Variants in TRAK2 observed in about 807,000 individuals in gnomAD.
TRAK2 encodes the protein trafficking kinesin protein 2.
TRAK2 carries 81 observed loss-of-function variants against 104.6 expected under a neutral mutation model. The observed-to-expected ratio is 0.77, with a 90% CI of 0.65 to 0.93. TRAK2 has a LOEUF of 0.93. Among genes scored for constraint, TRAK2 ranks in the 40% least tolerant of loss-of-function variants. The pLI, the probability that TRAK2 is intolerant of heterozygous loss-of-function variation, is 0.00. For synonymous variants in TRAK2, 406 were observed against 394.4 expected (o/e 1.03, Z -0.35); for missense variants, 1,002 against 1,089.0 (o/e 0.92, Z 1.12).
At chr2:201,407,657 A>G in intron 2 of TRAK2, 60 bp from the exon 3 acceptor site, 2 of 1,450,836 alleles carry the variant, frequency 1.4e-6, no homozygotes, top group South Asian at 2.7e-5. Context: ...TAGGCTACAG[A>G]GAAAATTGAT....
intron 10 of TRAK2, among the ~76,000 whole-genome samples, chr2:201,392,464 T>G (rs1265475945): frequency 6.6e-6 from 1 of 152,090 alleles, no homozygotes; most frequent in East Asian, 1.9e-4. Context: ...AAAATACCAT[T>G]TATAAATGAA....
At chr2:201,404,283 G>C (rs1457697954) in intron 3 of TRAK2, among the ~76,000 whole-genome samples, 3 of 152,136 alleles carry the variant, frequency 2.0e-5, no homozygotes, top group Non-Finnish European at 2.9e-5. Context: ...AGTTTTCGTT[G>C]TTGAAAATAT....
chr2:201,448,856 C>T (rs1951986552), intron 1 of TRAK2, among the ~76,000 whole-genome samples: 2 of 152,140 alleles, frequency 1.3e-5, no homozygotes, highest in African/African-American at 2.4e-5. Context: ...GCACAAACAA[C>T]CACACCCAGC....
At chr2:201,407,843 C>T (rs1313862486) in intron 2 of TRAK2, among the ~76,000 whole-genome samples, 1 of 150,816 alleles carries the variant, frequency 6.6e-6, no homozygotes, top group Admixed American at 6.6e-5. Context: ...ACAGTAATTT[C>T]TAAAAAGTAT....
intron 2 of TRAK2, chr2:201,419,567 GGGAGA>G (rs1038858664): frequency 4.5e-5 from 7 of 154,304 alleles, no homozygotes; most frequent in Admixed American, 2.0e-4. Flanking sequence ...GTGAGGGGTG[GGGAGA>G]TCTCTGTACA....
intron 10 of TRAK2, among the ~76,000 whole-genome samples, chr2:201,392,025 A>G (rs928227351): frequency 6.6e-6 from 1 of 152,188 alleles, no homozygotes; most frequent in African/African-American, 2.4e-5. Context: ...TTTATGTAGG[A>G]CAGTGTCCTT....
chr2:201,448,947 A>G (rs1041418663), intron 1 of TRAK2, among the ~76,000 whole-genome samples: 2 of 152,106 alleles, frequency 1.3e-5, no homozygotes, highest in Non-Finnish European at 2.9e-5. Context: ...TCGGGCTCTC[A>G]AAGTGCTGAG....
rs1204449102 is a variant in TRAK2, at chr2:201,377,825, C to A, written c.*2718G>T. On this transcript the variant is annotated 3_prime_UTR_variant, in exon 16 of 16. Coordinates refer to ENST00000332624, the MANE Select transcript of TRAK2 (RefSeq NM_015049.3). The stretch of plus-strand genomic sequence containing the variant: ...TCGGGAAGATATTTCTCCTATTAGA[C>A]AATAGGACACTCAGAAATACCTGAG... 1 of 150,020 alleles carries A rather than the reference C, an allele frequency of 6.7e-6. No individual in the cohort carries two copies. The highest frequency in any genetic ancestry group is 2.5e-5 in the African/African-American group (1 of 40,454). The allele number at this position is 150,020 out of a possible 1,614,324, so 9.3% of individuals were successfully genotyped here. A position where few individuals can be genotyped will look rare whatever the true frequency, so the allele number is the denominator to read the frequency against.
intron 10 of TRAK2, among the ~76,000 whole-genome samples, chr2:201,391,509 C>G (rs1425621496): frequency 6.6e-6 from 1 of 152,194 alleles, no homozygotes; most frequent in East Asian, 1.9e-4. Flanking sequence ...TGATGAGGAA[C>G]AGGATACTTA....
chr2:201,426,328 A>ACT (rs1450460993), intron 1 of TRAK2, among the ~76,000 whole-genome samples: 2 of 151,756 alleles, frequency 1.3e-5, no homozygotes, highest in Admixed American at 6.6e-5. Flanking sequence ...ATGGTCTGTC[A>ACT]CTCTCTCCCA....
intron 10 of TRAK2, among the ~76,000 whole-genome samples, chr2:201,392,214 C>T (rs1951454490): frequency 2.0e-5 from 3 of 151,204 alleles, no homozygotes; most frequent in African/African-American, 4.9e-5. Context: ...GAGGGATATA[C>T]AAAAATTCTT....
intron 15 of TRAK2, among the ~76,000 whole-genome samples, chr2:201,383,194 G>A (rs1951358433): frequency 6.6e-6 from 1 of 152,162 alleles, no homozygotes; most frequent in Non-Finnish European, 1.5e-5. Flanking sequence ...TAAATAATTT[G>A]GCCTTGCCCA....
Position 201,383,259 on chromosome 2 carries a change from T to A in TRAK2, c.2069+852A>T, listed in dbSNP as rs556634482. On this transcript the variant is annotated intron_variant, in intron 15 of 15. Transcript: ENST00000332624. ...TGGAGGCAATCTATGTCACAACTAA[T>A]AGGAGTGTCTTTGGCTAGAGTGGAG... Among the ~76,000 whole-genome samples, 9 of 152,318 alleles carry A rather than the reference T, an allele frequency of 5.9e-5. No individual in the cohort carries two copies. In the South Asian group the frequency reaches 1.9e-3, roughly 32 times the overall value.
intron 2 of TRAK2, chr2:201,411,346 C>T (rs1008457950): frequency 3.9e-5 from 29 of 751,338 alleles, no homozygotes; most frequent in South Asian, 2.0e-4. Context: ...TCTTTATTTT[C>T]GGAATCACTG....
intron 2 of TRAK2, chr2:201,411,437 A>G: frequency 1.3e-6 from 1 of 744,936 alleles, no homozygotes; most frequent in Non-Finnish European, 2.5e-6. Flanking sequence ...TTGTCTCCTC[A>G]GAAACATTCA....
At chr2:201,390,457 G>A (rs1381803969) in intron 10 of TRAK2, among the ~76,000 whole-genome samples, 8 of 149,840 alleles carry the variant, frequency 5.3e-5, no homozygotes, top group Non-Finnish European at 7.4e-5. Context: ...CCAGCTACTC[G>A]GGAGGCTGAG....
intron 2 of TRAK2, among the ~76,000 whole-genome samples, chr2:201,418,731 C>CTTAGGT (rs1951714612): frequency 6.6e-6 from 1 of 152,146 alleles, no homozygotes; most frequent in Non-Finnish European, 1.5e-5. Flanking sequence ...AAAACAAAAA[C>CTTAGGT]TTGGACCCAA....
chr2:201,386,558 T>TTATATGTGTAATATATGTGTAA, intron 13 of TRAK2, 74 bp from the exon 14 acceptor site: 2 of 1,539,176 alleles, frequency 1.3e-6, no homozygotes, highest in Non-Finnish European at 1.8e-6. Context: ...CAAGCTAAAA[T>TTATATGTGTAATATATGTGTAA]TATATGTGTA....
At chr2:201,386,636 A>G in intron 13 of TRAK2, 152 bp from the exon 14 acceptor site, 1 of 1,000,526 alleles carries the variant, frequency 1.0e-6, no homozygotes, top group East Asian at 2.5e-5. Context: ...TGCAAATTAA[A>G]GTTTTCAGTG....
Sources: allele counts gnomAD v4.1 joint callset (sites outside exome capture counted in the v4.1 genomes callset), GRCh38; gene constraint gnomAD v4.1.1; transcripts MANE v1.5; gene names NCBI Gene and HGNC (gene_info 2026-07-23, HGNC 2026-07-21).